TSNARE1: variants seen among roughly 807,000 people sequenced by gnomAD.
TSNARE1 encodes the protein t-SNARE domain-containing protein 1.
Under a neutral mutation model 62.0 loss-of-function variants are expected in TSNARE1, and 49 were observed. That is an observed-to-expected ratio of 0.79 (90% confidence interval 0.63 to 1.00). The LOEUF (loss-of-function observed/expected upper bound fraction) is 1.00. Ranked by LOEUF, TSNARE1 falls within the 50% of genes least tolerant of loss-of-function variation. TSNARE1 has a pLI of 0.00. For missense variants in TSNARE1, 755 were observed against 700.1 expected (o/e 1.08, Z -0.88); for synonymous variants, 328 against 294.4 (o/e 1.11, Z -1.17).
intron 10 of TSNARE1, among the ~76,000 whole-genome samples, chr8:142,289,259 G>C (rs1410998271): frequency 6.6e-6 from 1 of 152,180 alleles, no homozygotes; most frequent in African/African-American, 2.4e-5. Context: ...AGAAACCCCT[G>C]AGCCTTCTTT....
intron 10 of TSNARE1, among the ~76,000 whole-genome samples, chr8:142,294,390 A>T (rs539210584): frequency 6.6e-6 from 1 of 152,198 alleles, no homozygotes; most frequent in Non-Finnish European, 1.5e-5. Context: ...ACTAGTTTGC[A>T]AAGCACTTTG....
intron 1 of TSNARE1, among the ~76,000 whole-genome samples, chr8:142,395,964 A>G (rs1837862921): frequency 6.6e-6 from 1 of 152,222 alleles, no homozygotes. Context: ...GAGGGCAGCC[A>G]AGGTGGCCCG....
At position 142,344,042 on chromosome 8, in the gene TSNARE1, G is replaced by A. The variant is rs200597117; in HGVS notation, c.669C>T (p.Pro223=). The A allele has an allele frequency of 6.9e-5, 110 of 1,586,412 alleles. 1 individual carries two copies. The highest frequency in any genetic ancestry group is 5.1e-4 in the Middle Eastern group (3 of 5,924). ...SGKPQALALT[P]VEQVVAKTFS... is the part of the protein sequence containing the mutation. ...AGGTCTTGGCCACCACCTGCTCCAC[G>A]GGCGTGAGAGCCAGGGCCTGGGGCT... is the stretch of plus-strand genomic sequence containing the variant. Residue 223 remains proline, a synonymous_variant, in exon 4 of 14, where the codon CCC becomes CCT. Coordinates refer to ENST00000524325, the MANE Select transcript of TSNARE1 (RefSeq NM_145003.5).
intron 12 of TSNARE1, among the ~76,000 whole-genome samples, chr8:142,262,739 A>C (rs1254355065): frequency 6.6e-6 from 1 of 151,500 alleles, no homozygotes; most frequent in Non-Finnish European, 1.5e-5. Context: ...TTCGCCTTCC[A>C]CCATGATTGT....
At chr8:142,213,806 C>T (rs1005091023) in intron 13 of TSNARE1, among the ~76,000 whole-genome samples, 2 of 152,202 alleles carry the variant, frequency 1.3e-5, no homozygotes, top group East Asian at 1.9e-4. Flanking sequence ...AGGTGGCCCA[C>T]GTGATGTGCA....
At position 142,258,648 on chromosome 8, in the gene TSNARE1, AT is replaced by A. The variant is rs558554948; in HGVS notation, c.1446+16132del. On this transcript the variant is annotated intron_variant, in intron 12 of 13. Transcript: ENST00000524325. Reference sequence around the variant, plus strand: ...GGGCATGTACCACCACACCTGGCTAATTTTTTTTGTAGTTGTATTAGAGACA... The same window carrying A: ...GGGCATGTACCACCACACCTGGCTAATTTTTTTGTAGTTGTATTAGAGACA... Among the ~76,000 whole-genome samples, 481 of 151,702 alleles carry A rather than the reference AT, an allele frequency of 3.2e-3. 1 individual carries two copies. Among genetic ancestry groups the A allele is most frequent in the Non-Finnish European group, 4.7e-3 (322 of 67,846 alleles).
intron 12 of TSNARE1, among the ~76,000 whole-genome samples, chr8:142,252,880 T>C (rs376979022): frequency 5.6e-4 from 85 of 152,024 alleles, no homozygotes; most frequent in Admixed American, 6.5e-4. Flanking sequence ...CACTGCTTCC[T>C]GGCCACTGCC....
At chr8:142,234,341 T>C (rs545979396) in intron 12 of TSNARE1, among the ~76,000 whole-genome samples, 8 of 135,726 alleles carry the variant, frequency 5.9e-5, no homozygotes, top group East Asian at 2.4e-4. Flanking sequence ...ACCCCAACCA[T>C]GGGTTCAGGG....
chr8:142,252,218 C>G (rs1041207814), intron 12 of TSNARE1, among the ~76,000 whole-genome samples: 1 of 152,230 alleles, frequency 6.6e-6, no homozygotes. Flanking sequence ...GTTGTTTTCC[C>G]TTTCTGCTGT....
At chr8:142,358,459 G>A (rs1389388284) in intron 1 of TSNARE1, among the ~76,000 whole-genome samples, 1 of 152,164 alleles carries the variant, frequency 6.6e-6, no homozygotes, top group African/African-American at 2.4e-5. Flanking sequence ...GGGGGGACTG[G>A]AAGGCTGCCC....
At chr8:142,327,370 C>T (rs1830417618) in intron 6 of TSNARE1, among the ~76,000 whole-genome samples, 1 of 151,998 alleles carries the variant, frequency 6.6e-6, no homozygotes, top group Admixed American at 6.5e-5. Context: ...GAGAGGGGCA[C>T]AGCTCTGTAC....
chr8:142,322,442 G>A (rs1755212556), intron 6 of TSNARE1, among the ~76,000 whole-genome samples: 1 of 152,172 alleles, frequency 6.6e-6, no homozygotes, highest in African/African-American at 2.4e-5. Flanking sequence ...AAAGAACTAA[G>A]AAGCATAAAG....
chr8:142,354,913 C>G, intron 1 of TSNARE1, 150 bp from the exon 2 acceptor site: 1 of 577,388 alleles, frequency 1.7e-6, no homozygotes, highest in South Asian at 2.1e-5. Flanking sequence ...GGCTTCTCAC[C>G]AGCCCCCAAA....
chr8:142,323,853 G>T (rs1187553280), intron 6 of TSNARE1, among the ~76,000 whole-genome samples: 3 of 152,152 alleles, frequency 2.0e-5, no homozygotes, highest in Admixed American at 6.5e-5. Context: ...ACCGAGGGAG[G>T]GGTCCCACTC....
At chr8:142,302,582 G>A (rs772800369) in intron 9 of TSNARE1, among the ~76,000 whole-genome samples, 4 of 152,084 alleles carry the variant, frequency 2.6e-5, no homozygotes, top group Non-Finnish European at 5.9e-5. Flanking sequence ...CCAGCCCTCT[G>A]CGGGGAACAT....
chr8:142,220,099 T>A (rs1816138720), intron 13 of TSNARE1, among the ~76,000 whole-genome samples: 1 of 152,168 alleles, frequency 6.6e-6, no homozygotes, highest in Non-Finnish European at 1.5e-5. Flanking sequence ...GCAGAGTGCC[T>A]GCAGGGTAAC....
intron 1 of TSNARE1, among the ~76,000 whole-genome samples, chr8:142,400,039 CAAA>C (rs879581383): frequency 7.2e-6 from 1 of 138,954 alleles, no homozygotes. Flanking sequence ...ACGCCTATCT[CAAA>C]AAAAAAAAAA....
At chr8:142,328,972 C>T (rs1338429367) in intron 6 of TSNARE1, among the ~76,000 whole-genome samples, 1 of 152,198 alleles carries the variant, frequency 6.6e-6, no homozygotes. Context: ...GACTGGGTCC[C>T]TCCTACACTG....
intron 1 of TSNARE1, among the ~76,000 whole-genome samples, chr8:142,400,439 T>G (rs1445777187): frequency 6.8e-6 from 1 of 146,182 alleles, no homozygotes; most frequent in Non-Finnish European, 1.5e-5. Context: ...AGAGGGAAGC[T>G]TCTCAAAAAA....
Sources: allele counts gnomAD v4.1 joint callset (sites outside exome capture counted in the v4.1 genomes callset), GRCh38; gene constraint gnomAD v4.1.1; transcripts MANE v1.5; gene names NCBI Gene and HGNC (gene_info 2026-07-23, HGNC 2026-07-21).